Variants in ACOT11 observed in about 807,000 individuals in gnomAD.
ACOT11 encodes acyl-CoA thioesterase 11.
In ACOT11, 69 loss-of-function variants were observed where a neutral mutation model predicts 77.5. The observed-to-expected ratio is 0.89, with a 90% CI of 0.73 to 1.09. The LOEUF is 1.09. Among genes scored for constraint, ACOT11 ranks in the 50% least tolerant of loss-of-function variants. ACOT11 has a pLI of 0.00. For synonymous variants in ACOT11, 279 were observed against 313.0 expected, an observed-to-expected ratio of 0.89 and a Z score of 1.15; for missense variants, 766 against 813.7, an observed-to-expected ratio of 0.94 and a Z score of 0.71.
At chr1:54,562,272 C>A (rs1189161887) in intron 1 of ACOT11, among the ~76,000 whole-genome samples, 3 of 115,846 alleles carry the variant, frequency 2.6e-5, no homozygotes, top group Non-Finnish European at 5.3e-5. Context: ...GGGGGGCTGA[C>A]CCCCCACCTC....
rs1042128554 is a variant in ACOT11 at position 54,584,486 on chromosome 1, C to T, written c.34-169C>T. ...CAGCAATCACAGATATCCTGGGGTC[C>T]GAGACCACGGGCTGGAGGGTGGTGA... is the stretch of plus-strand genomic sequence containing the variant. On this transcript the variant is annotated intron_variant, in intron 1 of 15. Coordinates refer to ENST00000343744, the MANE Select transcript of ACOT11 (RefSeq NM_147161.4). This position sits in a 1 kb window ranked among gnomAD's most constrained non-coding sequence, Gnocchi z 6.3. 3.3e-5 allele frequency among the ~76,000 whole-genome samples: 5 copies of T among 152,062 alleles called. No homozygotes were observed. The highest frequency in any genetic ancestry group is 5.9e-5 in the Non-Finnish European group (4 of 68,010).
At chr1:54,616,660 A>C (rs185220062) in intron 15 of ACOT11, among the ~76,000 whole-genome samples, 29 of 152,282 alleles carry the variant, frequency 1.9e-4, no homozygotes, top group Non-Finnish European at 3.5e-4. Context: ...GGCGTGAGCC[A>C]CCGTGCCCGG....
intron 1 of ACOT11, among the ~76,000 whole-genome samples, chr1:54,551,048 G>A (rs1281137921): frequency 2.0e-5 from 3 of 149,510 alleles, no homozygotes. Context: ...GCCGAGGCAG[G>A]AGAATTGCTT....
chr1:54,599,942 G>A (rs1386347037), intron 8 of ACOT11, among the ~76,000 whole-genome samples: 4 of 152,210 alleles, frequency 2.6e-5, no homozygotes, highest in African/African-American at 9.6e-5. Context: ...GGGATCAGGA[G>A]CCAGGCTGCC....
In ACOT11 at chr1:54,584,673, T is replaced by G. The variant is rs763074184; in HGVS notation, c.52T>G (p.Ser18Ala). The change falls in exon 2 of 16, where the codon TCC (serine) becomes GCC (alanine). Residue 18 changes from serine to alanine, a missense_variant. Ser to Ala is a moderately conservative substitution (Grantham distance 99). Transcript: ENST00000343744. This position sits in a 1 kb window ranked among gnomAD's most constrained non-coding sequence, Gnocchi z 6.3. ...HLRRGLASVFSNRTSRKSALR... is the reference protein window; with the variant it reads ...HLRRGLASVFANRTSRKSALR... ...ACCCCAGGGCTTGGCCTCTGTGTTCTCCAACCGCACATCCCGGAAGTCAGC... is the reference window on the plus strand; with the variant it reads ...ACCCCAGGGCTTGGCCTCTGTGTTCGCCAACCGCACATCCCGGAAGTCAGC... 1 of 1,614,114 alleles carries G rather than the reference T, an allele frequency of 6.2e-7. No homozygotes were observed.
chr1:54,604,857 C>A (rs911455405), intron 12 of ACOT11, among the ~76,000 whole-genome samples: 2 of 152,240 alleles, frequency 1.3e-5, no homozygotes, highest in Non-Finnish European at 2.9e-5. Flanking sequence ...GGAACCACCA[C>A]ATGTTGCCTT....
At chr1:54,603,280 T>C (rs111567828) in intron 10 of ACOT11, among the ~76,000 whole-genome samples, 7,150 of 152,246 alleles carry the variant, frequency 0.047, 280 homozygotes, top group East Asian at 0.17. Context: ...AACCGGGAGT[T>C]GCAGGTTGTA....
intron 1 of ACOT11, among the ~76,000 whole-genome samples, chr1:54,562,515 G>C (rs1421789979): frequency 1.2e-5 from 1 of 84,498 alleles, no homozygotes; most frequent in Non-Finnish European, 2.5e-5. Flanking sequence ...CCTCCCTCCC[G>C]GATGGGGCGG....
At chr1:54,631,170 C>T (rs1644297755) in intron 16 of ACOT11, among the ~76,000 whole-genome samples, 1 of 152,128 alleles carries the variant, frequency 6.6e-6, no homozygotes. Context: ...AAGTAGTTGC[C>T]CCAGTGACTG....
At chr1:54,560,346 C>G (rs1358979417) in intron 1 of ACOT11, among the ~76,000 whole-genome samples, 1 of 152,008 alleles carries the variant, frequency 6.6e-6, no homozygotes, top group Non-Finnish European at 1.5e-5. Flanking sequence ...GGCAGAGGCA[C>G]CTGTATGTAA....
At chr1:54,579,373 C>T (rs1654222280) in intron 1 of ACOT11, among the ~76,000 whole-genome samples, 1 of 152,140 alleles carries the variant, frequency 6.6e-6, no homozygotes, top group South Asian at 2.1e-4. Flanking sequence ...CACGTGCATC[C>T]TGTGTGTGTC....
chr1:54,551,175 C>CAA (rs1227284827), intron 1 of ACOT11, among the ~76,000 whole-genome samples: 1 of 144,134 alleles, frequency 6.9e-6, no homozygotes, highest in Admixed American at 6.9e-5. Flanking sequence ...ACAGCAACAA[C>CAA]AAAAAACTCA....
At chr1:54,572,099 G>C (rs1233961341) in intron 1 of ACOT11, among the ~76,000 whole-genome samples, 2 of 151,820 alleles carry the variant, frequency 1.3e-5, no homozygotes, top group Non-Finnish European at 2.9e-5. Flanking sequence ...CTCCCTTCCT[G>C]CTCGCCTCTC....
chr1:54,583,178 T>A (rs74421629), intron 1 of ACOT11, among the ~76,000 whole-genome samples: 6,688 of 152,168 alleles, frequency 0.044, 273 homozygotes, highest in East Asian at 0.18. Context: ...GCCTCCACCC[T>A]GGCTGAGAGC....
chr1:54,630,706 TTC>T (rs1345633244), intron 15 of ACOT11: 1 of 667,582 alleles, frequency 1.5e-6, no homozygotes, highest in South Asian at 1.7e-5. Context: ...ACCTCTATAT[TTC>T]TCTGTGTGTC....
At chr1:54,576,221 G>C (rs1654109085) in intron 1 of ACOT11, among the ~76,000 whole-genome samples, 1 of 152,156 alleles carries the variant, frequency 6.6e-6, no homozygotes, top group African/African-American at 2.4e-5. Flanking sequence ...GACAGGTGTT[G>C]GTGGACCCAC....
At chr1:54,566,819 TG>T (rs1259888833) in intron 1 of ACOT11, among the ~76,000 whole-genome samples, 1 of 152,170 alleles carries the variant, frequency 6.6e-6, no homozygotes, top group African/African-American at 2.4e-5. Flanking sequence ...ATGACAGTCT[TG>T]GGATAGTTAG....
At chr1:54,598,288 G>C (rs2100995193) in intron 7 of ACOT11, 1 of 152,440 alleles carries the variant, frequency 6.6e-6, no homozygotes, top group South Asian at 2.1e-4. Flanking sequence ...CTTTGGGTAA[G>C]GGGAGGGCTT....
rs551947483 is a variant in ACOT11 at position 54,588,002 on chromosome 1, C to T, written c.311+2098C>T. 6.6e-5 allele frequency among the ~76,000 whole-genome samples: 10 copies of T among 152,176 alleles called. No individual in the cohort carries two copies. In the South Asian group the frequency reaches 1.9e-3, roughly 28 times the overall value. ...CCAAGGCAGGCAGATTACTTGAGCTCAGGAGTTTGAGACTAGCTGGGCAAC... is the reference window on the plus strand; with the variant it reads ...CCAAGGCAGGCAGATTACTTGAGCTTAGGAGTTTGAGACTAGCTGGGCAAC... On this transcript the variant is annotated intron_variant, in intron 3 of 15. Coordinates refer to ENST00000343744, the MANE Select transcript of ACOT11 (RefSeq NM_147161.4).
Sources: allele counts gnomAD v4.1 joint callset (sites outside exome capture counted in the v4.1 genomes callset), GRCh38; gene constraint gnomAD v4.1.1; non-coding constraint Gnocchi (gnomAD v3.1); transcripts MANE v1.5; gene names NCBI Gene and HGNC (gene_info 2026-07-23, HGNC 2026-07-21).